TRAPPC10: variants seen among roughly 807,000 people sequenced by gnomAD.
TRAPPC10 encodes trafficking protein particle complex subunit 10.
TRAPPC10 carries 23 observed loss-of-function variants against 125.5 expected under a neutral mutation model. The observed-to-expected ratio is 0.18, with a 90% CI of 0.13 to 0.26. The LOEUF is 0.26. Among genes scored for constraint, TRAPPC10 ranks in the 10% least tolerant of loss-of-function variants. The probability of loss-of-function intolerance (pLI) is 1.00; values close to 1 mark genes in which losing one functional copy is unlikely to be tolerated. For synonymous variants in TRAPPC10, 509 were observed against 518.0 expected, an observed-to-expected ratio of 0.98 and a Z score of 0.24; for missense variants, 1,123 against 1,308.4, an observed-to-expected ratio of 0.86 and a Z score of 2.19.
chr21:44,038,946 G>A (rs1337793437), intron 3 of TRAPPC10, among the ~76,000 whole-genome samples: 2 of 152,224 alleles, frequency 1.3e-5, no homozygotes, highest in Non-Finnish European at 2.9e-5. Context: ...CTGTACCCAA[G>A]GTTTTCACCA....
intron 7 of TRAPPC10, among the ~76,000 whole-genome samples, chr21:44,068,192 T>C (rs1021296306): frequency 6.6e-6 from 1 of 151,820 alleles, no homozygotes; most frequent in African/African-American, 2.4e-5. Context: ...ACCATTGTGG[T>C]AGGCACTGTA....
rs1489448697 is a variant in TRAPPC10, at chr21:44,059,691, A to G, written c.790+477A>G. ...TTACAATTAAAGAATTAGCACAGTGAAACCATACACAGAGAGAAACATTGG... is the reference window on the plus strand; with the variant it reads ...TTACAATTAAAGAATTAGCACAGTGGAACCATACACAGAGAGAAACATTGG... On this transcript the variant is annotated intron_variant, in intron 6 of 22. Transcript: ENST00000291574. The surrounding 1 kb of genome is among the most constrained non-coding windows in gnomAD (Gnocchi z 4.4). The G allele has an allele frequency of 5.5e-6, 3 of 540,980 alleles. No individual in the cohort carries two copies. The African/African-American group carries it at 5.6e-5, about 10-fold the overall frequency. The allele number at this position is 540,980 out of a possible 1,614,324, so 33.5% of individuals were successfully genotyped here.
At chr21:44,037,201 G>A (rs895261627) in intron 2 of TRAPPC10, among the ~76,000 whole-genome samples, 1 of 152,172 alleles carries the variant, frequency 6.6e-6, no homozygotes. Context: ...TCGTTAGGCC[G>A]TCACTGAGAG....
chr21:44,063,132 C>T lies in TRAPPC10; in HGVS notation c.791-406C>T. On this transcript the variant is annotated intron_variant, in intron 6 of 22. Transcript: ENST00000291574. The surrounding 1 kb of genome is among the most constrained non-coding windows in gnomAD (Gnocchi z 4.4). ...GTAATCTAAGGAAGACCAAAAAACA[C>T]CAGGATGGTCAGAGCAGGCTGCACT... 7.7e-7 allele frequency: 1 copy of T among 1,306,368 alleles called. No individual in the cohort carries two copies. The highest frequency in any genetic ancestry group is 1.0e-6 in the Non-Finnish European group (1 of 991,678). 80.9% of individuals were successfully genotyped at this position (1,306,368 alleles called of 1,614,324 possible). A position where few individuals can be genotyped will look rare whatever the true frequency, so the allele number is the denominator to read the frequency against.
chr21:44,058,392 T>G (rs1601694503), intron 5 of TRAPPC10, among the ~76,000 whole-genome samples: 2 of 89,578 alleles, frequency 2.2e-5, no homozygotes, highest in South Asian at 3.8e-4. Context: ...AGAGGGCTGG[T>G]GCTGGGAAGG....
At chr21:44,037,687 G>T (rs2034091109) in intron 2 of TRAPPC10, 105 bp from the exon 3 acceptor site, 1 of 1,299,962 alleles carries the variant, frequency 7.7e-7, no homozygotes, top group African/African-American at 1.5e-5. Context: ...TAATATATGT[G>T]CTCTGAACTC....
At chr21:44,014,384 T>TC (rs1264445984) in intron 1 of TRAPPC10, among the ~76,000 whole-genome samples, 1 of 67,656 alleles carries the variant, frequency 1.5e-5, no homozygotes, top group Admixed American at 1.4e-4. Context: ...GCAGAGTGAA[T>TC]TTTTTTTTTT....
At position 44,094,086 on chromosome 21, in the gene TRAPPC10, G is replaced by A. The variant is rs778810247; in HGVS notation, c.3021G>A (p.Val1007=). ...AGCCCATCTACAGCAAGCAGTCGGT[G>A]TTCTTCGTCTGGGAACTCAAGTGGA... is the stretch of plus-strand genomic sequence containing the variant. ...SQQPIYSKQS[V]FFVWELKWTE... is the part of the protein sequence containing the mutation. The change falls in exon 20 of 23, where the codon GTG becomes GTA. Residue 1007 remains valine, a synonymous_variant. Transcript: ENST00000291574. 1.2e-6 allele frequency: 2 copies of A among 1,613,896 alleles called. No individual in the cohort carries two copies. Among genetic ancestry groups the A allele is most frequent in the Non-Finnish European group, 1.7e-6 (2 of 1,180,018 alleles).
chr21:44,079,321 G>A (rs1043253691), intron 11 of TRAPPC10, among the ~76,000 whole-genome samples: 4 of 152,238 alleles, frequency 2.6e-5, no homozygotes, highest in East Asian at 3.9e-4. Context: ...CCAGACCAAC[G>A]ATGTGTTGTG....
chr21:44,082,862 G>A lies in TRAPPC10; in HGVS notation c.1798G>A (p.Val600Ile). The A allele has an allele frequency of 6.2e-7, 1 of 1,614,068 alleles. No homozygotes were observed. Among genetic ancestry groups the A allele is most frequent in the Non-Finnish European group, 8.5e-7 (1 of 1,180,022 alleles). Reference protein sequence around the residue: ...DLHFDPSNAVVHVGGVLCVEI... With the variant: ...DLHFDPSNAVIHVGGVLCVEI... The stretch of plus-strand genomic sequence containing the variant: ...CCATTTTGATCCCTCCAATGCCGTG[G>A]TCCACGTGGGCGGCGTTTTGTGCGT... The change falls in exon 14 of 23, where the codon GTC becomes ATC. Residue 600 changes from valine (V) to isoleucine (I), a missense_variant. Physicochemically the swap from Val to Ile is conservative, Grantham distance 29 (BLOSUM62 3). Around this residue, in one of 4 missense-constraint regions of TRAPPC10, gnomAD observed 840 missense variants for 902.0 expected, o/e 0.93. Coordinates refer to ENST00000291574, the MANE Select transcript of TRAPPC10 (RefSeq NM_003274.5). The surrounding 1 kb of genome is among the most constrained non-coding windows in gnomAD (Gnocchi z 4.4).
chr21:44,041,957 A>G lies in TRAPPC10; in HGVS notation c.285+4030A>G, dbSNP rs922482776. Among the ~76,000 whole-genome samples the G allele has an allele frequency of 6.6e-5, 10 of 151,978 alleles. No homozygotes were observed. In the South Asian group the frequency reaches 1.7e-3, roughly 25 times the overall value. On this transcript the variant is annotated intron_variant, in intron 3 of 22. Coordinates refer to ENST00000291574, the MANE Select transcript of TRAPPC10 (RefSeq NM_003274.5). ...GCCAGGCTGGTCTCAAACTCCTGAC[A>G]TCAGGCGATCTCCCAAAGTGCTGGG...
intron 2 of TRAPPC10, among the ~76,000 whole-genome samples, chr21:44,037,222 G>A (rs2034050807): frequency 6.6e-6 from 1 of 152,196 alleles, no homozygotes; most frequent in African/African-American, 2.4e-5. Context: ...CCTTGGATGA[G>A]ATGCAGGGGG....
chr21:44,101,016 C>T lies in TRAPPC10; in HGVS notation c.3347-1762C>T, dbSNP rs1208391930. ...ACTAAGAATACAAAAATTAGCTGGG[C>T]GTGGTGGCAGGCGCCTATAAGCCCA... On this transcript the variant is annotated intron_variant, in intron 21 of 22. Coordinates refer to ENST00000291574, the MANE Select transcript of TRAPPC10 (RefSeq NM_003274.5). Among the ~76,000 whole-genome samples the T allele has an allele frequency of 2.8e-5, 2 of 71,610 alleles. 1 individual carries two copies. Among genetic ancestry groups the T allele is most frequent in the Non-Finnish European group, 9.1e-5 (2 of 21,908 alleles). 47.0% of individuals were successfully genotyped at this position (71,610 alleles called of 152,430 possible).
intron 7 of TRAPPC10, among the ~76,000 whole-genome samples, chr21:44,073,615 CA>C (rs2037046513): frequency 6.6e-6 from 1 of 152,134 alleles, no homozygotes; most frequent in South Asian, 2.1e-4. Context: ...TGAACAGTTA[CA>C]GTAGGCGCGG....
At chr21:44,090,029 G>A (rs1013243009) in intron 18 of TRAPPC10, 96 bp downstream of exon 18, 5 of 896,490 alleles carry the variant, frequency 5.6e-6, no homozygotes, top group African/African-American at 5.0e-5. Flanking sequence ...TGGTGACCAA[G>A]GATGTCTTCT....
chr21:44,066,593 T>C (rs2036468482), intron 7 of TRAPPC10, among the ~76,000 whole-genome samples: 1 of 152,192 alleles, frequency 6.6e-6, no homozygotes, highest in Admixed American at 6.5e-5. Context: ...ATTTGGAAAA[T>C]AACAGACAAA....
chr21:44,086,087 A>G (rs370606367), intron 15 of TRAPPC10, among the ~76,000 whole-genome samples: 20 of 152,298 alleles, frequency 1.3e-4, no homozygotes, highest in African/African-American at 4.6e-4. Flanking sequence ...TGTGTAGAGA[A>G]GCTGAACTCG....
At chr21:44,044,482 T>C (rs997485578) in intron 3 of TRAPPC10, among the ~76,000 whole-genome samples, 4 of 152,098 alleles carry the variant, frequency 2.6e-5, no homozygotes, top group African/African-American at 9.7e-5. Flanking sequence ...ATATGAATTA[T>C]ATTACTTGAT....
chr21:44,080,602 A>G (rs2037629458), intron 13 of TRAPPC10, among the ~76,000 whole-genome samples: 1 of 150,718 alleles, frequency 6.6e-6, no homozygotes, highest in Admixed American at 6.6e-5. Flanking sequence ...CAATGGTGCC[A>G]TCTCAGCTCA....
Sources: gnomAD v4.1 joint callset for allele counts (sites outside exome capture counted in the v4.1 genomes callset) on GRCh38, gnomAD v4.1.1 for gene constraint, gnomAD v4.1.1 regional missense constraint, Gnocchi (gnomAD v3.1) non-coding constraint, MANE v1.5 for transcripts, NCBI Gene and HGNC (gene_info 2026-07-23, HGNC 2026-07-21) for gene names.